GNAL: variants seen among roughly 807,000 people sequenced by gnomAD.
GNAL encodes the protein G protein subunit alpha L.
Under a neutral mutation model 55.1 loss-of-function variants are expected in GNAL, and 18 were observed. That is an observed-to-expected ratio of 0.33 (90% CI 0.23 to 0.48). The LOEUF is 0.48. Among genes scored for constraint, GNAL ranks in the 20% least tolerant of loss-of-function variants. The probability of loss-of-function intolerance (pLI) is 0.99; values close to 1 mark genes in which losing one functional copy is unlikely to be tolerated. For missense variants in GNAL, 412 were observed against 614.1 expected (o/e 0.67, Z 3.48); for synonymous variants, 253 against 237.0 (o/e 1.07, Z -0.62).
chr18:11,866,638 G>A (rs900952804), intron 7 of GNAL, among the ~76,000 whole-genome samples: 1 of 150,266 alleles, frequency 6.7e-6, no homozygotes, highest in South Asian at 2.1e-4. Flanking sequence ...GAATCCAGGC[G>A]TGATCAAGAC....
At chr18:11,774,944 C>G (rs974131549) in intron 4 of GNAL, among the ~76,000 whole-genome samples, 5 of 152,216 alleles carry the variant, frequency 3.3e-5, no homozygotes, top group Non-Finnish European at 7.3e-5. Flanking sequence ...AGCCATCTAT[C>G]TGGAGATGGG....
intron 4 of GNAL, among the ~76,000 whole-genome samples, chr18:11,760,164 A>G (rs1284275045): frequency 1.3e-5 from 2 of 151,978 alleles, no homozygotes; most frequent in Non-Finnish European, 2.9e-5. Flanking sequence ...AACAATCTCC[A>G]TGTGCCTGCT....
intron 1 of GNAL, among the ~76,000 whole-genome samples, chr18:11,740,020 C>T (rs2032542234): frequency 6.6e-6 from 1 of 152,110 alleles, no homozygotes; most frequent in Admixed American, 6.5e-5. Flanking sequence ...CTGTCCCAGC[C>T]CTCCTTCCGC....
intron 4 of GNAL, among the ~76,000 whole-genome samples, chr18:11,782,997 A>G (rs2033961886): frequency 6.6e-6 from 1 of 152,232 alleles, no homozygotes; most frequent in Admixed American, 6.5e-5. Flanking sequence ...CATAAGCCAG[A>G]CTCTGACTAC....
chr18:11,780,153 C>G (rs567512781), intron 4 of GNAL, among the ~76,000 whole-genome samples: 1 of 152,222 alleles, frequency 6.6e-6, no homozygotes, highest in African/African-American at 2.4e-5. Context: ...TGACAAGTTT[C>G]TATTTTTAAT....
At chr18:11,760,657 C>T (rs1035170591) in intron 4 of GNAL, among the ~76,000 whole-genome samples, 6 of 152,162 alleles carry the variant, frequency 3.9e-5, no homozygotes, top group African/African-American at 1.4e-4. Context: ...GGCGCTTCCC[C>T]TGGGTCTTCA....
Position 11,868,964 on chromosome 18 carries a change from A to G in GNAL, c.1031+301A>G, listed in dbSNP as rs2036328021. 6.6e-6 allele frequency among the ~76,000 whole-genome samples: 1 copy of G among 151,942 alleles called. No individual in the cohort carries two copies. Among genetic ancestry groups the G allele is most frequent in the Admixed American group, 6.6e-5 (1 of 15,258 alleles). ...AAGGGTTGCAATGAGCTGAGATCAC[A>G]CTACTGCACTCCTGCCTGGGCAACA... On this transcript the variant is annotated intron_variant, in intron 9 of 11. Coordinates refer to ENST00000334049, the MANE Select transcript of GNAL (RefSeq NM_182978.4). This position sits in a 1 kb window ranked among gnomAD's most constrained non-coding sequence, Gnocchi z 4.0.
intron 4 of GNAL, among the ~76,000 whole-genome samples, chr18:11,814,048 A>C (rs1008448306): frequency 1.3e-5 from 2 of 152,210 alleles, no homozygotes; most frequent in Non-Finnish European, 2.9e-5. Context: ...ACTAATTTGC[A>C]TGGATCATAG....
chr18:11,755,566 T>C (rs58518871), intron 4 of GNAL, among the ~76,000 whole-genome samples: 49,539 of 152,122 alleles, frequency 0.33, 8,924 homozygotes, highest in African/African-American at 0.48. Context: ...TGAGCCACCG[T>C]GCCCAGCCAA....
chr18:11,763,776 T>C (rs1442485601), intron 4 of GNAL, among the ~76,000 whole-genome samples: 4 of 152,248 alleles, frequency 2.6e-5, no homozygotes, highest in Non-Finnish European at 5.9e-5. Context: ...TTGGTAACTC[T>C]GGTCAGTAAT....
At chr18:11,809,128 T>C (rs1161259015) in intron 4 of GNAL, among the ~76,000 whole-genome samples, 1 of 152,086 alleles carries the variant, frequency 6.6e-6, no homozygotes, top group Non-Finnish European at 1.5e-5. Flanking sequence ...TGTTGTGGCA[T>C]GCACCTGCAA....
At chr18:11,847,232 C>A (rs2143763353) in intron 5 of GNAL, among the ~76,000 whole-genome samples, 1 of 152,110 alleles carries the variant, frequency 6.6e-6, no homozygotes, top group Middle Eastern at 3.4e-3. Context: ...AATAGGAAAG[C>A]CTGCTGCTCA....
intron 5 of GNAL, among the ~76,000 whole-genome samples, chr18:11,862,183 G>GA (rs965577001): frequency 9.3e-5 from 14 of 150,646 alleles, no homozygotes; most frequent in East Asian, 3.9e-4. Context: ...TTAAAAAAAA[G>GA]AAAAAAAAAG....
At chr18:11,848,544 C>G (rs1207090918) in intron 5 of GNAL, among the ~76,000 whole-genome samples, 1 of 151,610 alleles carries the variant, frequency 6.6e-6, no homozygotes, top group Non-Finnish European at 1.5e-5. Context: ...GCAACCTCCA[C>G]CTTTCCAGTT....
chr18:11,773,434 C>G (rs916769397), intron 4 of GNAL, among the ~76,000 whole-genome samples: 1 of 152,142 alleles, frequency 6.6e-6, no homozygotes, highest in African/African-American at 2.4e-5. Context: ...TTTCTTAAGG[C>G]TCTTTTTTGA....
In GNAL at chr18:11,884,677, A is replaced by T. The variant is rs773895277; in HGVS notation, c.*3542A>T. On this transcript the variant is annotated 3_prime_UTR_variant, in exon 12 of 12. Transcript: ENST00000334049. Reference sequence around the variant, plus strand: ...GCTGAGAGCACCAGGCACACGTTGAACACCGCAGTCTTAGAAACAGCAGAG... The same window carrying T: ...GCTGAGAGCACCAGGCACACGTTGATCACCGCAGTCTTAGAAACAGCAGAG... 6.4e-7 allele frequency: 1 copy of T among 1,568,496 alleles called. No homozygotes were observed. The highest frequency in any genetic ancestry group is 8.8e-7 in the Non-Finnish European group (1 of 1,142,142).
chr18:11,814,488 A>G (rs1453595536), intron 4 of GNAL, among the ~76,000 whole-genome samples: 3 of 152,092 alleles, frequency 2.0e-5, no homozygotes, highest in African/African-American at 7.2e-5. Flanking sequence ...AGATCATTCC[A>G]TTGCACTCCA....
At chr18:11,805,471 G>T (rs1214503644) in intron 4 of GNAL, among the ~76,000 whole-genome samples, 3 of 152,060 alleles carry the variant, frequency 2.0e-5, no homozygotes, top group East Asian at 1.9e-4. Context: ...AATGTACGTT[G>T]TACCCATTAA....
intron 5 of GNAL, among the ~76,000 whole-genome samples, chr18:11,834,750 G>T (rs1321762545): frequency 6.6e-6 from 1 of 152,136 alleles, no homozygotes; most frequent in Non-Finnish European, 1.5e-5. Flanking sequence ...GTTCCAAGTT[G>T]AATTCTTAAC....
Sources: allele counts gnomAD v4.1 joint callset (sites outside exome capture counted in the v4.1 genomes callset), GRCh38; gene constraint gnomAD v4.1.1; non-coding constraint Gnocchi (gnomAD v3.1); transcripts MANE v1.5; gene names NCBI Gene and HGNC (gene_info 2026-07-23, HGNC 2026-07-21).